Variants in HYDIN observed in about 807,000 individuals in gnomAD.
HYDIN encodes axonemal central pair apparatus protein HYDIN.
A neutral mutation model predicts 403.9 loss-of-function variants in HYDIN; 132 were observed. The ratio of observed to expected loss-of-function variants is 0.33; its 90% CI spans 0.28 to 0.38. HYDIN has a LOEUF of 0.38. Ranked by LOEUF, HYDIN falls within the 10% of genes least tolerant of loss-of-function variation. The pLI is 1.00. For synonymous variants in HYDIN, 1,202 were observed against 1,891.7 expected (o/e 0.64, Z 9.46); for missense variants, 2,827 against 5,009.5 (o/e 0.56, Z 13.15).
At position 71,189,620 on chromosome 16, in the gene HYDIN, A is replaced by G. The variant is rs140489171; in HGVS notation, c.-23-2702T>C. Among the ~76,000 whole-genome samples the G allele has an allele frequency of 5.9e-5, 9 of 152,280 alleles. No individual in the cohort carries two copies. In the East Asian group the frequency reaches 1.7e-3, roughly 29 times the overall value. On this transcript the variant is annotated intron_variant, in intron 1 of 85. Transcript: ENST00000393567. ...GCCTCTACTAAAAATACAAAAAATTAGCTAGGCATAGTGGCACGTGCCTGT... is the reference window on the plus strand; with the variant it reads ...GCCTCTACTAAAAATACAAAAAATTGGCTAGGCATAGTGGCACGTGCCTGT...
In HYDIN at chr16:71,129,700, C is replaced by T. The variant is rs1232105380; in HGVS notation, c.1167G>A (p.Arg389=). The T allele has an allele frequency of 1.2e-6, 2 of 1,614,120 alleles. No homozygotes were observed. Among genetic ancestry groups the T allele is most frequent in the Non-Finnish European group, 1.7e-6 (2 of 1,180,048 alleles). Residue 389 remains arginine, a synonymous_variant, in exon 9 of 86, where the codon AGG becomes AGA. Coordinates refer to ENST00000393567, the MANE Select transcript of HYDIN (RefSeq NM_001270974.2). ...GCTTGCTGTCTCCCTGCACCAGCCT[C>T]CTCTGATTCGCAAAGGTTCGGGACA... ...SVLSRTFANQ[R]RLVQGDSKLF...
intron 1 of HYDIN, among the ~76,000 whole-genome samples, chr16:71,189,044 A>C (rs2087291613): frequency 6.6e-6 from 1 of 152,240 alleles, no homozygotes; most frequent in South Asian, 2.1e-4. Flanking sequence ...TGAAAGGAAG[A>C]AACTACATTA....
chr16:71,060,051 T>C (rs190161669), intron 18 of HYDIN, among the ~76,000 whole-genome samples: 11 of 152,216 alleles, frequency 7.2e-5, no homozygotes, highest in African/African-American at 2.6e-4. Flanking sequence ...CACCAACATA[T>C]GTATAGCCAA....
intron 84 of HYDIN, among the ~76,000 whole-genome samples, chr16:70,813,265 T>C (rs1357837746): frequency 6.7e-6 from 1 of 150,100 alleles, no homozygotes; most frequent in Non-Finnish European, 1.5e-5. Flanking sequence ...GCTTCTATTC[T>C]TGTGCACTCT....
chr16:70,877,456 C>A (rs10852475), intron 62 of HYDIN, among the ~76,000 whole-genome samples: 1 of 152,080 alleles, frequency 6.6e-6, no homozygotes, highest in South Asian at 2.1e-4. Flanking sequence ...AAAAAGAATG[C>A]CTTAAAGTAG....
At chr16:71,043,125 T>C (rs78106835) in intron 18 of HYDIN, among the ~76,000 whole-genome samples, 5 of 152,004 alleles carry the variant, frequency 3.3e-5, no homozygotes, top group African/African-American at 7.2e-5. Flanking sequence ...ATTTTTTTTT[T>C]CCTCTAGTGT....
intron 18 of HYDIN, 137 bp downstream of exon 18, chr16:71,060,367 A>C: frequency 1.5e-6 from 1 of 680,514 alleles, no homozygotes; most frequent in Admixed American, 2.7e-5. Flanking sequence ...AGAACTGGGG[A>C]TGGGAATGAC....
intron 52 of HYDIN, among the ~76,000 whole-genome samples, chr16:70,901,427 G>A (rs2076374444): frequency 2.7e-5 from 4 of 150,480 alleles, no homozygotes; most frequent in South Asian, 2.1e-4. Flanking sequence ...CCCTCCACCC[G>A]CAAGCATCCT....
At chr16:70,891,963 T>C (rs904117471) in intron 56 of HYDIN, 79 bp from the exon 57 acceptor site, 3 of 375,504 alleles carry the variant, frequency 8.0e-6, no homozygotes, top group Non-Finnish European at 1.4e-5. Flanking sequence ...CCATTCCCTA[T>C]TTTCATCATT....
chr16:70,903,239 G>A (rs1436488638), intron 52 of HYDIN, among the ~76,000 whole-genome samples: 1 of 105,912 alleles, frequency 9.4e-6, no homozygotes, highest in Non-Finnish European at 2.1e-5. Flanking sequence ...TAATGAATAT[G>A]TAAGTTCTAG....
intron 6 of HYDIN, among the ~76,000 whole-genome samples, chr16:71,159,708 A>C: frequency 6.8e-6 from 1 of 147,660 alleles, no homozygotes; most frequent in Non-Finnish European, 1.5e-5. Flanking sequence ...TAAGAATCAC[A>C]GCAGACTTCT....
chr16:71,027,835 CCTTGTTGATCAACTT>C lies in HYDIN; in HGVS notation c.2794_2808del (p.Lys932_Lys936del), dbSNP rs1452315188. 1.2e-6 allele frequency: 1 copy of C among 835,760 alleles called. No individual in the cohort carries two copies. The highest frequency in any genetic ancestry group is 1.8e-5 in the African/African-American group (1 of 56,378). The allele number at this position is 835,760 out of a possible 1,614,324, so 51.8% of individuals were successfully genotyped here. On this transcript the variant is annotated inframe_deletion, in exon 20 of 86. Transcript: ENST00000393567. ...CAGAACAACTGTTGGATCCGACGTC[CCTTGTTGATCAACTT>C]AAAGTGGTAATAGTGGGTATCCAGG...
At chr16:70,963,032 A>T (rs1400973050) in intron 37 of HYDIN, among the ~76,000 whole-genome samples, 1 of 152,164 alleles carries the variant, frequency 6.6e-6, no homozygotes, top group Non-Finnish European at 1.5e-5. Context: ...ATGGTGTGTG[A>T]CGACAAGGGG....
intron 9 of HYDIN, among the ~76,000 whole-genome samples, chr16:71,119,893 T>C (rs2084191016): frequency 1.3e-5 from 2 of 151,896 alleles, no homozygotes; most frequent in Admixed American, 1.3e-4. Context: ...TCATATGACT[T>C]CTTTAACACT....
chr16:71,093,387 G>C (rs1463620806), intron 11 of HYDIN, among the ~76,000 whole-genome samples: 1 of 151,730 alleles, frequency 6.6e-6, no homozygotes, highest in Non-Finnish European at 1.5e-5. Context: ...TGCATTAAGA[G>C]AAAATTCTGA....
intron 83 of HYDIN, 127 bp from the exon 84 acceptor site, chr16:70,818,699 T>C: frequency 1.7e-6 from 1 of 583,398 alleles, no homozygotes; most frequent in Non-Finnish European, 3.1e-6. Context: ...GGTACCAGGC[T>C]GACAGGACGC....
intron 40 of HYDIN, among the ~76,000 whole-genome samples, chr16:70,954,878 C>T (rs1013216075): frequency 2.6e-5 from 4 of 152,160 alleles, no homozygotes; most frequent in Non-Finnish European, 5.9e-5. Context: ...GCCTTCCCAC[C>T]CCTAATTTAT....
chr16:70,835,288 G>A (rs10852467), intron 78 of HYDIN, among the ~76,000 whole-genome samples: 5 of 152,038 alleles, frequency 3.3e-5, no homozygotes, highest in African/African-American at 4.8e-5. Context: ...GAGCCACTAC[G>A]CCCAGCCTAG....
At position 70,834,358 on chromosome 16, in the gene HYDIN, T is replaced by C. The variant is rs1220830870; in HGVS notation, c.13402-194A>G. Among the ~76,000 whole-genome samples the C allele has an allele frequency of 4.0e-5, 6 of 151,780 alleles. No homozygotes were observed. The South Asian group carries it at 1.2e-3, about 32-fold the overall frequency. On this transcript the variant is annotated intron_variant, in intron 78 of 85. Coordinates refer to ENST00000393567, the MANE Select transcript of HYDIN (RefSeq NM_001270974.2). The stretch of plus-strand genomic sequence containing the variant: ...ATGTTGAAGATTAAGATCATCTCTA[T>C]AAAATTTGTAGCACATAATAGATAT...
Sources: allele counts gnomAD v4.1 joint callset (sites outside exome capture counted in the v4.1 genomes callset), GRCh38; gene constraint gnomAD v4.1.1; transcripts MANE v1.5; gene names NCBI Gene and HGNC (gene_info 2026-07-23, HGNC 2026-07-21).